Variants in TTN observed in about 807,000 individuals in gnomAD.
The protein encoded by TTN is connectin.
Under a neutral mutation model 3,223.0 loss-of-function variants are expected in TTN, and 1,525 were observed. The observed-to-expected ratio is 0.47, with a 90% CI of 0.45 to 0.49. TTN has a LOEUF of 0.49. Among genes scored for constraint, TTN ranks in the 20% least tolerant of loss-of-function variants. The pLI is 0.00. For synonymous variants in TTN, 14,094 were observed against 15,161.0 expected (o/e 0.93, Z 5.17); for missense variants, 40,786 against 43,424.0 (o/e 0.94, Z 5.40).
rs1204341026 is a variant in TTN, at chr2:178,589,677, G to A, written c.62048C>T (p.Thr20683Ile). 4.3e-6 allele frequency: 7 copies of A among 1,613,508 alleles called. No homozygotes were observed. The highest frequency in any genetic ancestry group is 5.9e-6 in the Non-Finnish European group (7 of 1,179,602). ...CCTCCGCCACTTTAGATAGACAAAT[G>A]TCTTTCCTTTATCTGCAATGTGAAG... is the stretch of plus-strand genomic sequence containing the variant. ...ENLHIADKGK[T>I]FVYLKWRRPD... is the part of the protein sequence containing the mutation. Residue 20683 changes from threonine (T) to isoleucine (I), a missense_variant, in exon 304 of 363, where the codon ACA becomes ATA. Thr to Ile is a moderately conservative substitution (Grantham distance 89, BLOSUM62 -1). Coordinates refer to ENST00000589042, the MANE Select transcript of TTN (RefSeq NM_001267550.2).
rs1312609443 is a variant in TTN at position 178,771,294 on chromosome 2, A to G, written c.8033T>C (p.Ile2678Thr). 6.2e-7 allele frequency: 1 copy of G among 1,614,084 alleles called. No individual in the cohort carries two copies. The highest frequency in any genetic ancestry group is 1.3e-5 in the African/African-American group (1 of 75,038). The change falls in exon 34 of 363, where the codon ATT becomes ACT. Residue 2678 changes from isoleucine (I) to threonine (T), a missense_variant. Ile to Thr is a moderately conservative substitution (Grantham distance 89, BLOSUM62 -1). Transcript: ENST00000589042. ...ESDGHKRRLI[I>T]AATKLDDIGE... is the part of the protein sequence containing the mutation. ...AATGTCATCTAATTTGGTGGCAGCA[A>G]TGATAAGTCTCCTTTTGTGGCCATC... is the stretch of plus-strand genomic sequence containing the variant.
Position 178,593,684 on chromosome 2 carries a change from C to A in TTN, c.58616G>T (p.Cys19539Phe), listed in dbSNP as rs539868284. Residue 19539 changes from cysteine to phenylalanine, a missense_variant, in exon 298 of 363, where the codon TGC (cysteine) becomes TTC (phenylalanine). Cys to Phe is a radical substitution (Grantham distance 205). Transcript: ENST00000589042. The part of the protein sequence containing the change: ...PVTSASAKTT[C>F]KVSKLLEGKD... ...TCCTTCAAGTAGTTTAGAAACTTTG[C>A]ATGTTGTTTTAGCACTTGCAGATGT... The A allele has an allele frequency of 6.8e-6, 11 of 1,613,128 alleles. No individual in the cohort carries two copies. Among genetic ancestry groups the A allele is most frequent in the Non-Finnish European group, 9.3e-6 (11 of 1,179,580 alleles).
intron 241 of TTN, among the ~76,000 whole-genome samples, 179 bp from the exon 242 acceptor site, chr2:178,624,910 C>G (rs549580814): frequency 6.6e-6 from 1 of 151,944 alleles, no homozygotes; most frequent in African/African-American, 2.4e-5. Context: ...TTTGTACAGA[C>G]AAGAGGAAAA....
At chr2:178,537,994 G>T (rs1692424275) in intron 354 of TTN, 77 bp from the exon 355 acceptor site, 1 of 1,268,698 alleles carries the variant, frequency 7.9e-7, no homozygotes, top group South Asian at 1.6e-5. Context: ...TATCAGGAAT[G>T]AATTTACCTT....
intron 88 of TTN, 60 bp from the exon 89 acceptor site, chr2:178,715,834 A>T: frequency 6.8e-7 from 1 of 1,461,650 alleles, no homozygotes; most frequent in Non-Finnish European, 9.1e-7. Context: ...ATAATTCAAG[A>T]TGAGGTGGAA....
chr2:178,751,024 G>T lies in TTN; in HGVS notation c.11311+2100C>A, dbSNP rs370873882. 22 of 1,612,442 alleles carry T rather than the reference G, an allele frequency of 1.4e-5. No homozygotes were observed. The African/African-American group carries it at 2.1e-4, about 16-fold the overall frequency. On this transcript the variant is annotated intron_variant, in intron 47 of 362. Coordinates refer to ENST00000589042, the MANE Select transcript of TTN (RefSeq NM_001267550.2). ...TTTCTTCATCAACAATAGTTTGAAA[G>T]CTTGTGGGAAGTTCCTCAGATTCTA...
At position 178,704,983 on chromosome 2, in the gene TTN, T is replaced by C. The variant is rs569639075; in HGVS notation, c.29605-17A>G. On this transcript the variant is annotated splice_polypyrimidine_tract_variant and intron_variant, in intron 103 of 362. Coordinates refer to ENST00000589042, the MANE Select transcript of TTN (RefSeq NM_001267550.2). ...CTCAATTTCCTGAGAAGAACAAAAA[T>C]GATAGGCATTACAGATGAAACAAAA... 3 of 1,610,896 alleles carry C rather than the reference T, an allele frequency of 1.9e-6. No homozygotes were observed. In the East Asian group the frequency reaches 6.7e-5, roughly 36 times the overall value.
chr2:178,709,534 C>A, intron 99 of TTN, 32 bp downstream of exon 99: 1 of 1,573,128 alleles, frequency 6.4e-7, no homozygotes, highest in South Asian at 1.2e-5. Context: ...TGAAGAAAAA[C>A]ACAACAGGTT....
At chr2:178,754,903 CTG>C (rs1376233203) in intron 46 of TTN, among the ~76,000 whole-genome samples, 6 of 152,134 alleles carry the variant, frequency 3.9e-5, no homozygotes, top group Admixed American at 1.3e-4. Flanking sequence ...AATCAATAAA[CTG>C]TATTCTCTGT....
In TTN at chr2:178,741,879, T is replaced by C. The variant is rs1353567683; in HGVS notation, c.11354A>G (p.His3785Arg). The C allele has an allele frequency of 1.9e-6, 3 of 1,574,652 alleles. No individual in the cohort carries two copies. Among genetic ancestry groups the C allele is most frequent in the East Asian group, 4.7e-5 (2 of 42,980 alleles). ...SFLSAEEEGL[H>R]SAELQLSKIN... Reference sequence around the variant, plus strand: ...TTTAGATAATTGAAGTTCGGCGCTATGAAGTCCTTCTTCCTCGGCAGACAG... The same window carrying C: ...TTTAGATAATTGAAGTTCGGCGCTACGAAGTCCTTCTTCCTCGGCAGACAG... The change falls in exon 48 of 363, where the codon CAT becomes CGT. Residue 3785 changes from histidine (H) to arginine (R), a missense_variant. His to Arg is a conservative substitution (Grantham distance 29, BLOSUM62 0). Coordinates refer to ENST00000589042, the MANE Select transcript of TTN (RefSeq NM_001267550.2).
In TTN at chr2:178,533,504, T is replaced by G; in HGVS notation, c.103111A>C (p.Asn34371His). The G allele has an allele frequency of 6.2e-7, 1 of 1,613,498 alleles. No homozygotes were observed. The highest frequency in any genetic ancestry group is 8.5e-7 in the Non-Finnish European group (1 of 1,179,448). The change falls in exon 358 of 363, where the codon AAT becomes CAT. Residue 34371 changes from asparagine to histidine, a missense_variant. Transcript: ENST00000589042. ...CTTTGGCCTTCTTGGCATTCTGCAT[T>G]TGCCAGTAACCTTTTGAACATGGGT... ...LRPMFKRLLA[N>H]AECQEGQSVC...
At chr2:178,679,763 C>A (rs1394368960) in intron 140 of TTN, 81 bp from the exon 141 acceptor site, 6 of 1,536,444 alleles carry the variant, frequency 3.9e-6, no homozygotes. Flanking sequence ...AATCATATTT[C>A]AGCATCTAAA....
intron 222 of TTN, 94 bp from the exon 223 acceptor site, chr2:178,639,882 A>G: frequency 6.9e-7 from 1 of 1,448,978 alleles, no homozygotes; most frequent in East Asian, 2.3e-5. Flanking sequence ...ATAATTTTGA[A>G]ATCTTCAAAT....
Position 178,632,755 on chromosome 2 carries a change from A to G in TTN, c.43251T>C (p.Val14417=). 6.2e-7 allele frequency: 1 copy of G among 1,613,096 alleles called. No homozygotes were observed. Among genetic ancestry groups the G allele is most frequent in the Non-Finnish European group, 8.5e-7 (1 of 1,179,520 alleles). Residue 14417 remains valine, a synonymous_variant, in exon 235 of 363, where the codon GTT becomes GTC. Coordinates refer to ENST00000589042, the MANE Select transcript of TTN (RefSeq NM_001267550.2). Reference sequence around the variant, plus strand: ...TAGCCTCATCTTTCTCGAAGACTTTAACATCACTGAGAGGTGTGATGAAGA... The same window carrying G: ...TAGCCTCATCTTTCTCGAAGACTTTGACATCACTGAGAGGTGTGATGAAGA... ...PLIFITPLSD[V]KVFEKDEAKF...
rs2068274733 is a variant in TTN at position 178,677,261 on chromosome 2, G to A, written c.34318C>T (p.Pro11440Ser). Residue 11440 changes from proline (P) to serine (S), a missense_variant, in exon 147 of 363, where the codon CCA becomes TCA. By Grantham distance (74) the Pro-to-Ser change is moderately conservative (BLOSUM62 -1). Coordinates refer to ENST00000589042, the MANE Select transcript of TTN (RefSeq NM_001267550.2). ...GCGGGAACAGGGACTTTCTTCTCTG[G>A]TACAGGTTTCTTTGGCACTTCAGGC... Reference protein sequence around the residue: ...PVPEVPKKPVPEKKVPVPAPK... With the variant: ...PVPEVPKKPVSEKKVPVPAPK... The A allele has an allele frequency of 8.3e-7, 1 of 1,210,860 alleles. No homozygotes were observed. Among genetic ancestry groups the A allele is most frequent in the African/African-American group, 1.6e-5 (1 of 61,240 alleles). 75.0% of individuals were successfully genotyped at this position (1,210,860 alleles called of 1,614,324 possible).
chr2:178,533,165 C>G lies in TTN; in HGVS notation c.103450G>C (p.Ala34484Pro), dbSNP rs754949098. Reference sequence around the variant, plus strand: ...CTTTCAGTTCCAGAAAGAATTTCAGCCATTCTGAGGGTTTTGTCAATTTGT... The same window carrying G: ...CTTTCAGTTCCAGAAAGAATTTCAGGCATTCTGAGGGTTTTGTCAATTTGT... ...QKQIDKTLRMAEILSGTESVP... is the reference protein window; with the variant it reads ...QKQIDKTLRMPEILSGTESVP... Residue 34484 changes from alanine (A) to proline (P), a missense_variant, in exon 358 of 363, where the codon GCT becomes CCT. Physicochemically the swap from Ala to Pro is conservative, Grantham distance 27 (BLOSUM62 -1). Coordinates refer to ENST00000589042, the MANE Select transcript of TTN (RefSeq NM_001267550.2). The G allele has an allele frequency of 1.9e-6, 3 of 1,613,966 alleles. No homozygotes were observed. Among genetic ancestry groups the G allele is most frequent in the South Asian group, 1.1e-5 (1 of 91,076 alleles).
rs767784967 is a variant in TTN, at chr2:178,664,922, G to C, written c.36048C>G (p.Pro12016=). Residue 12016 remains proline, a synonymous_variant, in exon 166 of 363, where the codon CCC becomes CCG. Transcript: ENST00000589042. ...EEPETPRMKT[P]EAPQEIIPAK... is the part of the protein sequence containing the mutation. ...CAGGAATAATTTCTTGAGGAGCTTCGGGCGCTTGAAAGATATTAGCAATTC... is the reference window on the plus strand; with the variant it reads ...CAGGAATAATTTCTTGAGGAGCTTCCGGCGCTTGAAAGATATTAGCAATTC... 1 of 1,606,470 alleles carries C rather than the reference G, an allele frequency of 6.2e-7. No homozygotes were observed. Among genetic ancestry groups the C allele is most frequent in the Admixed American group, 1.7e-5 (1 of 59,028 alleles).
intron 22 of TTN, 64 bp downstream of exon 22, chr2:178,779,936 T>C: frequency 1.3e-6 from 2 of 1,536,924 alleles, no homozygotes; most frequent in Non-Finnish European, 1.8e-6. Context: ...AATGAAAATA[T>C]CAAATAAAAA....
chr2:178,802,174 C>G lies in TTN; in HGVS notation c.259G>C (p.Gly87Arg), dbSNP rs756996890. 4.3e-6 allele frequency: 7 copies of G among 1,614,076 alleles called. No homozygotes were observed. The highest frequency in any genetic ancestry group is 1.1e-5 in the South Asian group (1 of 91,080). Residue 87 changes from glycine to arginine, a missense_variant, in exon 3 of 363, where the codon GGA (glycine) becomes CGA (arginine). By Grantham distance (125) the Gly-to-Arg change is moderately radical. Coordinates refer to ENST00000589042, the MANE Select transcript of TTN (RefSeq NM_001267550.2). Reference sequence around the variant, plus strand: ...AGCTCAGCAGTACTAGTCGCTTGTCCAGATCCATTGGTGGCTTTCAGGGAA... The same window carrying G: ...AGCTCAGCAGTACTAGTCGCTTGTCGAGATCCATTGGTGGCTTTCAGGGAA... The part of the protein sequence containing the change: ...RYSLKATNGS[G>R]QATSTAELLV...
Sources: gnomAD v4.1 joint callset for allele counts (sites outside exome capture counted in the v4.1 genomes callset) on GRCh38, gnomAD v4.1.1 for gene constraint, MANE v1.5 for transcripts, NCBI Gene and HGNC (gene_info 2026-07-23, HGNC 2026-07-21) for gene names.